CALCRL: variants seen among roughly 807,000 people sequenced by gnomAD.
CALCRL encodes calcitonin gene-related peptide type 1 receptor.
Under a neutral mutation model 60.4 loss-of-function variants are expected in CALCRL, and 27 were observed. The observed-to-expected ratio is 0.45, with a 90% CI of 0.33 to 0.62. The LOEUF (loss-of-function observed/expected upper bound fraction) is 0.62, where lower values mean the gene tolerates loss of function less well. CALCRL is among the 20% of genes least tolerant of loss of function. The pLI, the probability that CALCRL is intolerant of heterozygous loss-of-function variation, is 0.03. For missense variants in CALCRL, 424 were observed against 540.7 expected (o/e 0.78, Z 2.14); for synonymous variants, 190 against 182.6 (o/e 1.04, Z -0.33).
chr2:187,346,445 T>C, intron 14 of CALCRL, 46 bp from the exon 15 acceptor site: 2 of 1,389,788 alleles, frequency 1.4e-6, no homozygotes, highest in South Asian at 2.5e-5. Context: ...AACCCATTAA[T>C]TGAAATGAAG....
At chr2:187,396,162 A>G (rs1688643866) in intron 1 of CALCRL, among the ~76,000 whole-genome samples, 3 of 132,928 alleles carry the variant, frequency 2.3e-5, no homozygotes, top group East Asian at 4.8e-4. Flanking sequence ...GAATTCAGGG[A>G]AAACATATCT....
chr2:187,442,518 C>G (rs1690966539), intron 1 of CALCRL, among the ~76,000 whole-genome samples: 1 of 151,680 alleles, frequency 6.6e-6, no homozygotes, highest in Admixed American at 6.6e-5. Context: ...CACAGGCACT[C>G]TTTCTTTGTA....
intron 1 of CALCRL, among the ~76,000 whole-genome samples, chr2:187,426,755 CTCAG>C (rs1049162655): frequency 4.5e-4 from 69 of 152,104 alleles, no homozygotes; most frequent in African/African-American, 1.6e-3. Context: ...GGACCTGAAG[CTCAG>C]TCAGTTTATT....
chr2:187,442,119 T>G (rs1006287010), intron 1 of CALCRL: 1 of 145,402 alleles, frequency 6.9e-6, no homozygotes. Context: ...TACACACACA[T>G]ATACATATAC....
rs1044624942 is a variant in CALCRL, at chr2:187,404,903, AAGAT to A, written c.-292-17151_-292-17148del. Reference sequence around the variant, plus strand: ...TAGGGACTTGTACCAGAGGAAAAAAAAGATAGAGCAGTAGGAAGCGAGACACAGG... The same window carrying A: ...TAGGGACTTGTACCAGAGGAAAAAAAAGAGCAGTAGGAAGCGAGACACAGG... On this transcript the variant is annotated intron_variant, in intron 1 of 14. Transcript: ENST00000392370. Among the ~76,000 whole-genome samples the A allele has an allele frequency of 5.0e-4, 76 of 152,032 alleles. 1 individual carries two copies. The highest frequency in any genetic ancestry group is 1.6e-3 in the African/African-American group (65 of 41,508).
chr2:187,427,616 A>G (rs1022769693), intron 1 of CALCRL, among the ~76,000 whole-genome samples: 1 of 152,180 alleles, frequency 6.6e-6, no homozygotes, highest in Non-Finnish European at 1.5e-5. Context: ...AATTCCTCTT[A>G]TGAGAGGAAC....
chr2:187,347,814 AAAG>A (rs1215816070), intron 14 of CALCRL, among the ~76,000 whole-genome samples: 6 of 151,794 alleles, frequency 4.0e-5, no homozygotes, highest in Admixed American at 2.6e-4. Context: ...ATGTAGGAAA[AAAG>A]AAGGAGCAAA....
intron 8 of CALCRL, among the ~76,000 whole-genome samples, chr2:187,371,113 G>T (rs1003837774): frequency 6.6e-6 from 1 of 151,992 alleles, no homozygotes; most frequent in African/African-American, 2.4e-5. Flanking sequence ...ATGGTGGCGG[G>T]CTCCTGCATA....
At chr2:187,374,486 A>G (rs1372878760) in intron 8 of CALCRL, among the ~76,000 whole-genome samples, 1 of 152,168 alleles carries the variant, frequency 6.6e-6, no homozygotes, top group African/African-American at 2.4e-5. Flanking sequence ...TTCACTGCTT[A>G]TGGCTTATAA....
At chr2:187,368,321 G>C (rs1397837469) in intron 8 of CALCRL, among the ~76,000 whole-genome samples, 1 of 151,956 alleles carries the variant, frequency 6.6e-6, no homozygotes, top group African/African-American at 2.4e-5. Flanking sequence ...ATAGCATCCA[G>C]GTTTACCTCA....
Position 187,346,402 on chromosome 2 carries a change from A to G in CALCRL, c.1171-3T>C, listed in dbSNP as rs751731212. ...TTTCTTCTCAGAATTGCTTGAACCT[A>G]TCAATCAAAAGGAAAACAGAAAGAA... On this transcript the variant is annotated splice_polypyrimidine_tract_variant and splice_region_variant and intron_variant, in intron 14 of 14. Transcript: ENST00000392370. 7.5e-6 allele frequency: 12 copies of G among 1,597,888 alleles called. No homozygotes were observed. The highest frequency in any genetic ancestry group is 1.0e-5 in the Non-Finnish European group (12 of 1,168,842).
At chr2:187,442,030 C>T (rs1353875450) in intron 1 of CALCRL, 1 of 149,134 alleles carries the variant, frequency 6.7e-6, no homozygotes, top group Non-Finnish European at 1.5e-5. Context: ...CTGTTCCTTA[C>T]TCCTTGATCT....
intron 1 of CALCRL, among the ~76,000 whole-genome samples, chr2:187,393,978 T>C (rs903891061): frequency 5.9e-5 from 9 of 152,116 alleles, no homozygotes; most frequent in African/African-American, 2.2e-4. Flanking sequence ...ATTACAGCTA[T>C]GATTTAGGTT....
intron 8 of CALCRL, among the ~76,000 whole-genome samples, chr2:187,369,550 G>A (rs1375478025): frequency 6.6e-6 from 1 of 152,104 alleles, no homozygotes; most frequent in African/African-American, 2.4e-5. Flanking sequence ...AAGTTCTCAA[G>A]GAAGCAATAA....
chr2:187,443,777 ATGT>A (rs1431680332), intron 1 of CALCRL, among the ~76,000 whole-genome samples: 1 of 151,664 alleles, frequency 6.6e-6, no homozygotes, highest in Admixed American at 6.6e-5. Flanking sequence ...GTCTATTATA[ATGT>A]TATTTATTGC....
chr2:187,446,774 C>A (rs1691207959), intron 1 of CALCRL, among the ~76,000 whole-genome samples: 5 of 151,744 alleles, frequency 3.3e-5, no homozygotes. Flanking sequence ...CTTAAAGAAT[C>A]ACAAATCTAA....
chr2:187,359,327 T>C (rs1686946274), intron 10 of CALCRL, 55 bp from the exon 11 acceptor site: 1 of 1,291,228 alleles, frequency 7.7e-7, no homozygotes, highest in South Asian at 1.5e-5. Context: ...CAGATGGTAT[T>C]TCAAAAATAT....
At chr2:187,383,933 C>T (rs967869799) in intron 4 of CALCRL, among the ~76,000 whole-genome samples, 1 of 152,102 alleles carries the variant, frequency 6.6e-6, no homozygotes, top group Admixed American at 6.6e-5. Context: ...CTATTTTAAG[C>T]TTCAATTCTA....
At chr2:187,361,866 A>C (rs924942704) in intron 9 of CALCRL, among the ~76,000 whole-genome samples, 5 of 152,078 alleles carry the variant, frequency 3.3e-5, no homozygotes, top group African/African-American at 9.6e-5. Context: ...TGTAAAACCT[A>C]TTTATTCATT....
Sources: allele counts gnomAD v4.1 joint callset (sites outside exome capture counted in the v4.1 genomes callset), GRCh38; gene constraint gnomAD v4.1.1; transcripts MANE v1.5; gene names NCBI Gene and HGNC (gene_info 2026-07-23, HGNC 2026-07-21).